The following NECTIN2 variants were observed in gnomAD, a reference collection of about 807,000 sequenced individuals.
The protein encoded by NECTIN2 is nectin cell adhesion molecule 2.
Under a neutral mutation model 56.9 loss-of-function variants are expected in NECTIN2, and 23 were observed. That is an observed-to-expected ratio of 0.40 (90% CI 0.29 to 0.57). The LOEUF (loss-of-function observed/expected upper bound fraction) is 0.57, where lower values mean the gene tolerates loss of function less well. Ranked by LOEUF, NECTIN2 falls within the 20% of genes least tolerant of loss-of-function variation. The probability of loss-of-function intolerance (pLI) is 0.38; values close to 1 mark genes in which losing one functional copy is unlikely to be tolerated. For missense variants in NECTIN2, 587 were observed against 718.3 expected, an observed-to-expected ratio of 0.82 and a Z score of 2.09; for synonymous variants, 302 against 313.8, an observed-to-expected ratio of 0.96 and a Z score of 0.40.
intron 2 of NECTIN2, 84 bp from the exon 3 acceptor site, chr19:44,871,769 G>T: frequency 1.4e-6 from 2 of 1,460,790 alleles, no homozygotes; most frequent in South Asian, 1.3e-5. Context: ...GGCAGTTAGG[G>T]CCTAACCACC....
At chr19:44,876,402 G>A (rs1046600391) in intron 5 of NECTIN2, among the ~76,000 whole-genome samples, 2 of 152,132 alleles carry the variant, frequency 1.3e-5, no homozygotes, top group African/African-American at 2.4e-5. Context: ...AAGACTCAGC[G>A]CTGTGGAAAG....
chr19:44,884,795 G>C (rs1200901946), intron 6 of NECTIN2, among the ~76,000 whole-genome samples: 2 of 152,112 alleles, frequency 1.3e-5, no homozygotes, highest in African/African-American at 4.8e-5. Flanking sequence ...AGAATGCATC[G>C]TAAGCACCTG....
intron 5 of NECTIN2, chr19:44,878,614 T>C (rs199691943): frequency 3.9e-5 from 62 of 1,594,524 alleles, no homozygotes; most frequent in Admixed American, 8.5e-5. Context: ...GGGCAGTTTA[T>C]GTGTGACCTG....
intron 1 of NECTIN2, among the ~76,000 whole-genome samples, chr19:44,849,197 AT>A (rs1481841847): frequency 1.3e-5 from 2 of 151,798 alleles, no homozygotes. Flanking sequence ...GGGGAGTGAA[AT>A]GCCGGCACAG....
At position 44,873,974 on chromosome 19, in the gene NECTIN2, T is replaced by C. The variant is rs751528467; in HGVS notation, c.834T>C (p.Asp278=). The C allele has an allele frequency of 6.2e-7, 1 of 1,614,110 alleles. No homozygotes were observed. The change falls in exon 4 of 9, where the codon GAT becomes GAC. Residue 278 remains aspartate (D), a synonymous_variant. Transcript: ENST00000252483. ...YDDNWYLGRT[D]ATLSCDVRSN... ...ACAACTGGTACCTCGGCCGTACTGATGCCACCCTGAGCTGTGACGTCCGCA... is the reference window on the plus strand; with the variant it reads ...ACAACTGGTACCTCGGCCGTACTGACGCCACCCTGAGCTGTGACGTCCGCA...
At chr19:44,879,112 T>C (rs1273637742) in intron 5 of NECTIN2, among the ~76,000 whole-genome samples, 1 of 152,072 alleles carries the variant, frequency 6.6e-6, no homozygotes, top group African/African-American at 2.4e-5. Flanking sequence ...ACTTGGATCC[T>C]TGAAAGACGC....
chr19:44,885,037 C>G (rs1969344705), intron 6 of NECTIN2, among the ~76,000 whole-genome samples: 1 of 149,830 alleles, frequency 6.7e-6, no homozygotes, highest in African/African-American at 2.5e-5. Flanking sequence ...GCTCTTTTTT[C>G]CCAGGCTGGA....
At chr19:44,859,424 G>A (rs544563904) in intron 1 of NECTIN2, among the ~76,000 whole-genome samples, 5 of 152,240 alleles carry the variant, frequency 3.3e-5, no homozygotes, top group South Asian at 4.1e-4. Context: ...GCACAAGGTC[G>A]CAGAGCCAGG....
chr19:44,868,639 C>T (rs979579334), intron 2 of NECTIN2, among the ~76,000 whole-genome samples: 1 of 151,618 alleles, frequency 6.6e-6, no homozygotes, highest in African/African-American at 2.4e-5. Context: ...TGAGGCTGGG[C>T]GTGGTGGCTC....
chr19:44,859,552 C>A (rs454050), intron 1 of NECTIN2, among the ~76,000 whole-genome samples: 54,187 of 151,954 alleles, frequency 0.36, 10,269 homozygotes, highest in Non-Finnish European at 0.39. Context: ...GGCCACACGC[C>A]GTGGCTCACG....
In NECTIN2 at chr19:44,888,483, A is replaced by G; in HGVS notation, c.*104A>G. 1 of 1,245,426 alleles carries G rather than the reference A, an allele frequency of 8.0e-7. No homozygotes were observed. 77.1% of individuals were successfully genotyped at this position (1,245,426 alleles called of 1,614,324 possible). On this transcript the variant is annotated 3_prime_UTR_variant, in exon 9 of 9. Coordinates refer to ENST00000252483, the MANE Select transcript of NECTIN2 (RefSeq NM_001042724.2). Reference sequence around the variant, plus strand: ...TCTGGCCAGGCCACTGTCAGTTAACACATATGCATTCCATTTGTGATGTCT... The same window carrying G: ...TCTGGCCAGGCCACTGTCAGTTAACGCATATGCATTCCATTTGTGATGTCT...
chr19:44,860,293 G>A (rs1198844025), intron 1 of NECTIN2, among the ~76,000 whole-genome samples: 1 of 152,160 alleles, frequency 6.6e-6, no homozygotes, highest in South Asian at 2.1e-4. Flanking sequence ...GGGAGGCCGA[G>A]GCAGGTGGAT....
intron 1 of NECTIN2, among the ~76,000 whole-genome samples, chr19:44,862,968 G>T (rs1296691885): frequency 7.7e-6 from 1 of 130,104 alleles, no homozygotes; most frequent in African/African-American, 2.9e-5. Context: ...CTAACATGGT[G>T]AAACCCCGTC....
intron 1 of NECTIN2, among the ~76,000 whole-genome samples, chr19:44,851,259 C>T (rs975493900): frequency 6.6e-6 from 1 of 150,688 alleles, no homozygotes; most frequent in African/African-American, 2.4e-5. Context: ...CCTCTCAGAC[C>T]CAGGAGTCCA....
At chr19:44,869,592 CA>C (rs774822564) in intron 2 of NECTIN2, among the ~76,000 whole-genome samples, 12 of 53,760 alleles carry the variant, frequency 2.2e-4, no homozygotes, top group Admixed American at 4.9e-4. Context: ...GACTCCATCT[CA>C]AAAAAAAAAA....
At chr19:44,882,068 G>A (rs1969313646) in intron 5 of NECTIN2, 143 bp from the exon 6 acceptor site, 1 of 675,694 alleles carries the variant, frequency 1.5e-6, no homozygotes, top group Non-Finnish European at 2.1e-6. Context: ...ATGCTCAGCA[G>A]TTTGAGTTGA....
At chr19:44,870,259 G>T (rs931884690) in intron 2 of NECTIN2, among the ~76,000 whole-genome samples, 7 of 152,208 alleles carry the variant, frequency 4.6e-5, no homozygotes, top group Admixed American at 6.5e-5. Flanking sequence ...TGGCCATGGG[G>T]AAGTGGTGGG....
chr19:44,853,683 T>A (rs990624288), intron 1 of NECTIN2, among the ~76,000 whole-genome samples: 1 of 151,992 alleles, frequency 6.6e-6, no homozygotes, highest in African/African-American at 2.4e-5. Flanking sequence ...GAGACGGGGT[T>A]TCACCATGTT....
chr19:44,857,715 T>G (rs996423376), intron 1 of NECTIN2, among the ~76,000 whole-genome samples: 1 of 150,600 alleles, frequency 6.6e-6, no homozygotes, highest in Non-Finnish European at 1.5e-5. Context: ...GTTTTTGTTT[T>G]TTTTTTTTTA....
Sources: allele counts gnomAD v4.1 joint callset (sites outside exome capture counted in the v4.1 genomes callset), GRCh38; gene constraint gnomAD v4.1.1; transcripts MANE v1.5; gene names NCBI Gene and HGNC (gene_info 2026-07-23, HGNC 2026-07-21).